Variants in BACE2 observed in about 807,000 individuals in gnomAD.
The protein encoded by BACE2 is 56 kDa aspartic-like protease.
BACE2 carries 17 observed loss-of-function variants against 46.2 expected under a neutral mutation model. That is an observed-to-expected ratio of 0.37 (90% CI 0.25 to 0.55). The LOEUF (loss-of-function observed/expected upper bound fraction) is 0.55. Ranked by LOEUF, BACE2 falls within the 20% of genes least tolerant of loss-of-function variation. The pLI is 0.82. For missense variants in BACE2, 595 were observed against 698.1 expected (o/e 0.85, Z 1.66); for synonymous variants, 277 against 295.9 (o/e 0.94, Z 0.66).
chr21:41,273,683 A>G (rs2088456101), intron 8 of BACE2, among the ~76,000 whole-genome samples: 1 of 152,206 alleles, frequency 6.6e-6, no homozygotes, highest in Non-Finnish European at 1.5e-5. Flanking sequence ...CTGAGGTGGC[A>G]TACATTCTCA....
rs745593301 is a variant in BACE2 at position 41,243,505 on chromosome 21, A to G, written c.877A>G (p.Arg293Gly). 6.2e-7 allele frequency: 1 copy of G among 1,609,364 alleles called. No individual in the cohort carries two copies. The highest frequency in any genetic ancestry group is 8.5e-7 in the Non-Finnish European group (1 of 1,178,180). ...IGGQSLNLDC[R>G]EYNADKAIVD... ...AGGCCAAAGCCTTAATCTGGACTGC[A>G]GAGAGGTATTTATGCTATGGTCTCT... The change falls in exon 5 of 9, where the codon AGA becomes GGA. Residue 293 changes from arginine to glycine, a missense_variant. This residue lies in a region of BACE2 where 343 missense variants were observed against 419.4 expected (regional missense o/e 0.82). Transcript: ENST00000330333.
intron 8 of BACE2, among the ~76,000 whole-genome samples, chr21:41,264,913 G>T (rs1208383462): frequency 6.6e-6 from 1 of 152,198 alleles, no homozygotes; most frequent in Non-Finnish European, 1.5e-5. Flanking sequence ...GAGGCCAGGA[G>T]GTCAAGGCTG....
At chr21:41,207,206 A>T (rs1261296818) in intron 1 of BACE2, among the ~76,000 whole-genome samples, 2 of 152,210 alleles carry the variant, frequency 1.3e-5, no homozygotes, top group South Asian at 4.1e-4. Flanking sequence ...GAAATGCATA[A>T]TGGGTTCTTA....
intron 1 of BACE2, among the ~76,000 whole-genome samples, chr21:41,221,635 C>A (rs998780011): frequency 4.6e-5 from 7 of 152,056 alleles, no homozygotes; most frequent in South Asian, 2.1e-4. Flanking sequence ...ACCATCCTGG[C>A]TAACACGGTG....
intron 3 of BACE2, among the ~76,000 whole-genome samples, chr21:41,238,403 A>C (rs1373579792): frequency 6.6e-6 from 1 of 152,104 alleles, no homozygotes; most frequent in Admixed American, 6.6e-5. Flanking sequence ...ATGCAGGAGG[A>C]GGGAGGCAGG....
intron 8 of BACE2, among the ~76,000 whole-genome samples, chr21:41,258,065 G>A (rs565470839): frequency 1.2e-4 from 18 of 152,282 alleles, no homozygotes; most frequent in East Asian, 3.9e-4. Context: ...TTGAATTGCC[G>A]GAGACAAGTG....
At chr21:41,197,942 A>G (rs1269208247) in intron 1 of BACE2, among the ~76,000 whole-genome samples, 2 of 152,236 alleles carry the variant, frequency 1.3e-5, no homozygotes, top group East Asian at 1.9e-4. Flanking sequence ...GAGGATATGC[A>G]TAAGGGGTAG....
At chr21:41,189,963 A>C (rs1462372167) in intron 1 of BACE2, among the ~76,000 whole-genome samples, 7 of 152,188 alleles carry the variant, frequency 4.6e-5, no homozygotes. Context: ...CCAGTACGGG[A>C]GAAAGATGTA....
intron 6 of BACE2, among the ~76,000 whole-genome samples, chr21:41,248,329 G>A (rs996399472): frequency 6.6e-6 from 1 of 152,204 alleles, no homozygotes; most frequent in African/African-American, 2.4e-5. Flanking sequence ...TTTGGTTAAG[G>A]ACCATGGCTC....
intron 7 of BACE2, among the ~76,000 whole-genome samples, chr21:41,255,229 C>T (rs926341385): frequency 2.0e-5 from 3 of 152,130 alleles, no homozygotes; most frequent in Admixed American, 1.3e-4. Flanking sequence ...GGCAGGCAGG[C>T]GGACACAAGC....
At chr21:41,266,716 C>T (rs1418399631) in intron 8 of BACE2, among the ~76,000 whole-genome samples, 1 of 152,260 alleles carries the variant, frequency 6.6e-6, no homozygotes, top group Non-Finnish European at 1.5e-5. Context: ...CCAGTGCCTA[C>T]TTCCTTGGTG....
intron 1 of BACE2, chr21:41,179,715 A>G (rs1985036837): frequency 8.1e-7 from 1 of 1,230,238 alleles, no homozygotes; most frequent in South Asian, 1.3e-5. Flanking sequence ...CCCTGCTTAC[A>G]GGCAATTAAA....
chr21:41,183,124 C>A (rs1985205384), intron 1 of BACE2: 1 of 166,514 alleles, frequency 6.0e-6, no homozygotes, highest in South Asian at 2.1e-4. Flanking sequence ...ACACATTAAG[C>A]ATATCCCATT....
At chr21:41,262,178 C>G (rs1205747352) in intron 8 of BACE2, among the ~76,000 whole-genome samples, 3 of 152,156 alleles carry the variant, frequency 2.0e-5, no homozygotes, top group Non-Finnish European at 4.4e-5. Context: ...AAGGCCAGTT[C>G]TCTTGTAGAA....
chr21:41,222,808 A>C (rs1473819984), intron 1 of BACE2, among the ~76,000 whole-genome samples: 3 of 152,146 alleles, frequency 2.0e-5, no homozygotes, highest in African/African-American at 7.2e-5. Flanking sequence ...CCAGAACCTG[A>C]AGGTGGAGCC....
Position 41,196,113 on chromosome 21 carries a change from C to T in BACE2, c.312+27538C>T, listed in dbSNP as rs191623078. Reference sequence around the variant, plus strand: ...CAGCCTGGCCAACATGGTGAAACCCCGTCTTTACTAAAAAAAATAAAAATA... The same window carrying T: ...CAGCCTGGCCAACATGGTGAAACCCTGTCTTTACTAAAAAAAATAAAAATA... On this transcript the variant is annotated intron_variant, in intron 1 of 8. Transcript: ENST00000330333. 2.2e-4 allele frequency among the ~76,000 whole-genome samples: 33 copies of T among 151,768 alleles called. No individual in the cohort carries two copies. In the East Asian group the frequency reaches 2.9e-3, roughly 13 times the overall value.
At chr21:41,207,677 A>G (rs1986171875) in intron 1 of BACE2, among the ~76,000 whole-genome samples, 1 of 151,756 alleles carries the variant, frequency 6.6e-6, no homozygotes, top group African/African-American at 2.4e-5. Context: ...GCAGAAGAAA[A>G]CATCCAGCTC....
chr21:41,199,376 A>G (rs1318799410), intron 1 of BACE2, among the ~76,000 whole-genome samples: 1 of 151,954 alleles, frequency 6.6e-6, no homozygotes, highest in African/African-American at 2.4e-5. Flanking sequence ...GAGGAGGAAG[A>G]ACTGAGCTCT....
chr21:41,231,663 C>T (rs1986969655), intron 2 of BACE2, among the ~76,000 whole-genome samples: 2 of 152,192 alleles, frequency 1.3e-5, no homozygotes, highest in South Asian at 4.1e-4. Flanking sequence ...AGAACATCTT[C>T]TGAATTTGGT....
Sources: gnomAD v4.1 joint callset for allele counts (sites outside exome capture counted in the v4.1 genomes callset) on GRCh38, gnomAD v4.1.1 for gene constraint, gnomAD v4.1.1 regional missense constraint, MANE v1.5 for transcripts, NCBI Gene and HGNC (gene_info 2026-07-23, HGNC 2026-07-21) for gene names.